C2CD3: variants seen among roughly 807,000 people sequenced by gnomAD.
The protein encoded by C2CD3 is C2 domain containing 3 centriole elongation regulator, also known as C2 domain-containing protein 3.
Under a neutral mutation model 234.0 loss-of-function variants are expected in C2CD3, and 148 were observed. The ratio of observed to expected loss-of-function variants is 0.63; its 90% CI spans 0.55 to 0.72. C2CD3 has a LOEUF of 0.72. C2CD3 is among the 30% of genes least tolerant of loss of function. The probability of loss-of-function intolerance (pLI) is 0.00; values close to 1 mark genes in which losing one functional copy is unlikely to be tolerated. For synonymous variants in C2CD3, 1,000 were observed against 1,035.4 expected, an observed-to-expected ratio of 0.97 and a Z score of 0.66; for missense variants, 2,577 against 2,811.5, an observed-to-expected ratio of 0.92 and a Z score of 1.89.
Position 74,078,435 on chromosome 11 carries a change from T to A in C2CD3, c.4283A>T (p.His1428Leu). 6.2e-7 allele frequency: 1 copy of A among 1,614,222 alleles called. No individual in the cohort carries two copies. The highest frequency in any genetic ancestry group is 8.5e-7 in the Non-Finnish European group (1 of 1,180,040). Residue 1428 changes from histidine (H) to leucine (L), a missense_variant, in exon 23 of 33, where the codon CAC becomes CTC. Coordinates refer to ENST00000334126, the MANE Select transcript of C2CD3 (RefSeq NM_001286577.2). Reference sequence around the variant, plus strand: ...GTAGCAATATGTATTCTTATGAATGTGGTTGTGGCCAGCAAGCAGCACACA... The same window carrying A: ...GTAGCAATATGTATTCTTATGAATGAGGTTGTGGCCAGCAAGCAGCACACA... ...IHCVLLAGHN[H>L]IHKNTYCYLR... is the part of the protein sequence containing the mutation.
chr11:74,046,567 G>A (rs975393968), intron 28 of C2CD3, among the ~76,000 whole-genome samples: 1 of 152,090 alleles, frequency 6.6e-6, no homozygotes, highest in Non-Finnish European at 1.5e-5. Flanking sequence ...GGCCTCAAGC[G>A]ATCCTCCCAT....
chr11:74,049,389 T>C lies in C2CD3; in HGVS notation c.5309A>G (p.His1770Arg), dbSNP rs1251488281. Residue 1770 changes from histidine to arginine, a missense_variant, in exon 27 of 33, where the codon CAC becomes CGC. His to Arg is a conservative substitution (Grantham distance 29). Transcript: ENST00000334126. ...CCTTGCTTGCCTTTCTTCTTTGAAG[T>C]GTATCAAACTCTCCAAAGGGGAGAC... ...VAVSPLESLI[H>R]FKEERQARRG... 6.2e-7 allele frequency: 1 copy of C among 1,614,094 alleles called. No individual in the cohort carries two copies. The highest frequency in any genetic ancestry group is 1.7e-5 in the Admixed American group (1 of 60,010).
At chr11:74,035,701 C>A (rs1452859382) in intron 30 of C2CD3, among the ~76,000 whole-genome samples, 1 of 151,284 alleles carries the variant, frequency 6.6e-6, no homozygotes, top group Admixed American at 6.6e-5. Context: ...CAGGGGCAGG[C>A]TTTTGCTGTT....
chr11:74,020,532 C>T (rs1373127656), intron 32 of C2CD3, among the ~76,000 whole-genome samples: 1 of 152,174 alleles, frequency 6.6e-6, no homozygotes, highest in African/African-American at 2.4e-5. Flanking sequence ...GGTTTGGAGT[C>T]CAGTGCGTTT....
At chr11:74,051,990 T>G (rs1274783469) in intron 26 of C2CD3, among the ~76,000 whole-genome samples, 1 of 152,168 alleles carries the variant, frequency 6.6e-6, no homozygotes, top group East Asian at 1.9e-4. Context: ...TGCTAGAGTC[T>G]GCAAATTTTT....
At chr11:74,113,589 A>C (rs1565308536) in intron 11 of C2CD3, 191 bp downstream of exon 11, 2 of 577,916 alleles carry the variant, frequency 3.5e-6, no homozygotes, top group Non-Finnish European at 6.3e-6. Flanking sequence ...CTGAGATGGG[A>C]GAATCACTTG....
At position 74,118,188 on chromosome 11, in the gene C2CD3, C is replaced by T. The variant is rs1431144049; in HGVS notation, c.1520+40G>A. 7 of 1,555,626 alleles carry T rather than the reference C, an allele frequency of 4.5e-6. No homozygotes were observed. The African/African-American group carries it at 9.6e-5, about 21-fold the overall frequency. ...GGGAGATCTTGTGAAAATAACATTC[C>T]TTTGTGTTTACCTTTAAATAAACAG... On this transcript the variant is annotated intron_variant, in intron 9 of 32. Coordinates refer to ENST00000334126, the MANE Select transcript of C2CD3 (RefSeq NM_001286577.2).
At position 74,125,575 on chromosome 11, in the gene C2CD3, C is replaced by T. The variant is rs77657689; in HGVS notation, c.1218-2440G>A. 3.0e-4 allele frequency among the ~76,000 whole-genome samples: 45 copies of T among 152,204 alleles called. No individual in the cohort carries two copies. In the East Asian group the frequency reaches 7.9e-3, roughly 27 times the overall value. ...GGACCCACTCTCTTATACCATTACACTTGAACCACACATTTCCCTTTTACC... is the reference window on the plus strand; with the variant it reads ...GGACCCACTCTCTTATACCATTACATTTGAACCACACATTTCCCTTTTACC... On this transcript the variant is annotated intron_variant, in intron 7 of 32. Transcript: ENST00000334126.
At chr11:74,139,576 G>T in intron 4 of C2CD3, 29 bp downstream of exon 4, 1 of 1,425,526 alleles carries the variant, frequency 7.0e-7, no homozygotes, top group Non-Finnish European at 9.9e-7. Context: ...TTAACTGACA[G>T]ATTGACTGGT....
At chr11:74,054,492 G>C (rs913094327) in intron 26 of C2CD3, 115 bp downstream of exon 26, 39 of 616,892 alleles carry the variant, frequency 6.3e-5, no homozygotes, top group Non-Finnish European at 1.0e-4. Flanking sequence ...TGTCGGGAAT[G>C]CTTCACTTGG....
intron 3 of C2CD3, among the ~76,000 whole-genome samples, chr11:74,154,804 G>T (rs909659465): frequency 1.1e-4 from 16 of 151,604 alleles, no homozygotes; most frequent in African/African-American, 3.6e-4. Flanking sequence ...AACTCCTGAA[G>T]AAGATAAAAG....
At position 74,078,109 on chromosome 11, in the gene C2CD3, A is replaced by T; in HGVS notation, c.4603+6T>A. On this transcript the variant is annotated splice_donor_region_variant and intron_variant, in intron 23 of 32. Coordinates refer to ENST00000334126, the MANE Select transcript of C2CD3 (RefSeq NM_001286577.2). Reference sequence around the variant, plus strand: ...CTACAAGAGTTGAATCAGGCTCCTCACTTACCACTGACAGTTAGCGTCCTC... The same window carrying T: ...CTACAAGAGTTGAATCAGGCTCCTCTCTTACCACTGACAGTTAGCGTCCTC... 1 of 1,610,126 alleles carries T rather than the reference A, an allele frequency of 6.2e-7. No individual in the cohort carries two copies. The highest frequency in any genetic ancestry group is 1.1e-5 in the South Asian group (1 of 90,508).
chr11:74,115,949 T>C (rs1407902222), intron 9 of C2CD3, among the ~76,000 whole-genome samples: 2 of 152,158 alleles, frequency 1.3e-5, no homozygotes, highest in African/African-American at 4.8e-5. Context: ...TGGATGTTCA[T>C]CTCTCACCTT....
intron 5 of C2CD3, among the ~76,000 whole-genome samples, chr11:74,134,061 G>A (rs1957776454): frequency 6.6e-6 from 1 of 152,058 alleles, no homozygotes; most frequent in African/African-American, 2.4e-5. Flanking sequence ...CACAACAATA[G>A]CAGCAACACA....
intron 3 of C2CD3, among the ~76,000 whole-genome samples, chr11:74,146,411 A>G (rs1211312887): frequency 1.3e-5 from 2 of 152,240 alleles, no homozygotes; most frequent in African/African-American, 4.8e-5. Flanking sequence ...CAGATTAAAA[A>G]TAACTTTCCA....
intron 32 of C2CD3, among the ~76,000 whole-genome samples, chr11:74,015,900 C>CA (rs553153104): frequency 0.085 from 7,919 of 93,176 alleles, 689 homozygotes; most frequent in African/African-American, 0.25. Flanking sequence ...AACCCTGTCT[C>CA]AAAAAAAAAA....
chr11:74,028,934 A>G (rs576749340), intron 31 of C2CD3, among the ~76,000 whole-genome samples: 1 of 152,320 alleles, frequency 6.6e-6, no homozygotes, highest in East Asian at 1.9e-4. Context: ...CTTAGGCTGC[A>G]TTTAGGTGCC....
chr11:74,141,656 A>G (rs1184576404), intron 3 of C2CD3, among the ~76,000 whole-genome samples: 1 of 152,146 alleles, frequency 6.6e-6, no homozygotes, highest in Admixed American at 6.5e-5. Flanking sequence ...AGTTAAACAA[A>G]TACTTGTTGA....
chr11:74,034,327 C>G (rs1271435554), intron 30 of C2CD3, 49 bp from the exon 31 acceptor site: 118 of 1,493,008 alleles, frequency 7.9e-5, no homozygotes, highest in Non-Finnish European at 6.1e-5. Context: ...GCCACAGACC[C>G]CTCAAATTTC....
Sources: allele counts gnomAD v4.1 joint callset (sites outside exome capture counted in the v4.1 genomes callset), GRCh38; gene constraint gnomAD v4.1.1; transcripts MANE v1.5; gene names NCBI Gene and HGNC (gene_info 2026-07-23, HGNC 2026-07-21).